FRMD8: variants seen among roughly 807,000 people sequenced by gnomAD.
The protein encoded by FRMD8 is FERM domain containing 8.
A neutral mutation model predicts 54.2 loss-of-function variants in FRMD8; 37 were observed. The observed-to-expected ratio is 0.68, with a 90% CI of 0.53 to 0.90. The LOEUF (loss-of-function observed/expected upper bound fraction) is 0.90, where lower values mean the gene tolerates loss of function less well. Among genes scored for constraint, FRMD8 ranks in the 40% least tolerant of loss-of-function variants. FRMD8 has a pLI of 0.00. For missense variants in FRMD8, 585 were observed against 653.7 expected (o/e 0.89, Z 1.15); for synonymous variants, 246 against 286.9 (o/e 0.86, Z 1.44).
At chr11:65,408,361 A>G (rs921611244) in intron 10 of FRMD8, among the ~76,000 whole-genome samples, 10 of 151,912 alleles carry the variant, frequency 6.6e-5, no homozygotes, top group Non-Finnish European at 1.2e-4. Flanking sequence ...GTCGTGAGCC[A>G]CCGCGCCCAG....
Position 65,396,948 on chromosome 11 carries a change from G to A in FRMD8, c.731G>A (p.Gly244Asp). ...CAGGTGCAGGAGGTCAGCAGCGACG[G>A]CGGGTGCGAGGCCGCCCTGGGCACC... Reference protein sequence around the residue: ...YRQVQEVSSDGGCEAALGTHY... With the variant: ...YRQVQEVSSDDGCEAALGTHY... Residue 244 changes from glycine to aspartate, a missense_variant, in exon 7 of 11, where the codon GGC (glycine) becomes GAC (aspartate). By Grantham distance (94) the Gly-to-Asp change is moderately conservative. Transcript: ENST00000317568. 2 of 1,527,002 alleles carry A rather than the reference G, an allele frequency of 1.3e-6. No homozygotes were observed. The highest frequency in any genetic ancestry group is 1.8e-6 in the Non-Finnish European group (2 of 1,135,010). The allele number at this position is 1,527,002 out of a possible 1,614,324, so 94.6% of individuals were successfully genotyped here.
At chr11:65,394,502 T>C in intron 6 of FRMD8, 77 bp downstream of exon 6, 1 of 1,492,250 alleles carries the variant, frequency 6.7e-7, no homozygotes, top group Non-Finnish European at 9.0e-7. Context: ...CAAGCAGTCT[T>C]CAGTCTCGCA....
At chr11:65,384,007 T>A (rs1855689214), upstream of FRMD8, among the ~76,000 whole-genome samples, 1 of 152,090 alleles carries the variant, frequency 6.6e-6, no homozygotes, top group Non-Finnish European at 1.5e-5. Flanking sequence ...CTAATTGATG[T>A]CTAAGCCTCT....
chr11:65,410,650 C>T (rs186591077), intron 10 of FRMD8, among the ~76,000 whole-genome samples: 1 of 152,204 alleles, frequency 6.6e-6, no homozygotes, highest in East Asian at 1.9e-4. Context: ...ATTAGCTGGG[C>T]GCCGTGGCGG....
chr11:65,373,080 C>T, the FRMD8 span, among the ~76,000 whole-genome samples: 4 of 152,134 alleles, frequency 2.6e-5, no homozygotes, highest in African/African-American at 7.2e-5. Context: ...GGCAAAACCC[C>T]GTCTCTACTA....
At chr11:65,407,283 G>A (rs572524048) in intron 10 of FRMD8, among the ~76,000 whole-genome samples, 203 of 150,768 alleles carry the variant, frequency 1.3e-3, no homozygotes, top group Non-Finnish European at 2.7e-3. Context: ...ACAGAGTCTC[G>A]CTCTGTCACC....
In FRMD8 at chr11:65,400,592, C is replaced by T; in HGVS notation, c.928-132C>T. ...GATGAAAGCTGAGGCTCTCTCCTTA[C>T]AGAAACACATGAACAAATGTAGACT... is the stretch of plus-strand genomic sequence containing the variant. On this transcript the variant is annotated intron_variant, in intron 8 of 10. Coordinates refer to ENST00000317568, the MANE Select transcript of FRMD8 (RefSeq NM_031904.5). This position sits in a 1 kb window ranked among gnomAD's most constrained non-coding sequence, Gnocchi z 4.3. 3 of 928,844 alleles carry T rather than the reference C, an allele frequency of 3.2e-6. No individual in the cohort carries two copies. The highest frequency in any genetic ancestry group is 4.6e-6 in the Non-Finnish European group (3 of 657,298). The allele number at this position is 928,844 out of a possible 1,614,324, so 57.5% of individuals were successfully genotyped here. A position where few individuals can be genotyped will look rare whatever the true frequency, so the allele number is the denominator to read the frequency against.
At chr11:65,396,668 T>C in intron 6 of FRMD8, 131 bp from the exon 7 acceptor site, 1 of 564,230 alleles carries the variant, frequency 1.8e-6, no homozygotes, top group Non-Finnish European at 3.0e-6. Flanking sequence ...CCTTGTGGGC[T>C]CCTTACCCAG....
intron 3 of FRMD8, among the ~76,000 whole-genome samples, chr11:65,392,357 G>C (rs1374287952): frequency 6.6e-6 from 1 of 152,240 alleles, no homozygotes; most frequent in African/African-American, 2.4e-5. Flanking sequence ...TTGGCCATCA[G>C]TGGGGACTGC....
rs967652476 is a variant in FRMD8, at chr11:65,400,693, C to G, written c.928-31C>G. 4 of 1,540,008 alleles carry G rather than the reference C, an allele frequency of 2.6e-6. No individual in the cohort carries two copies. Among genetic ancestry groups the G allele is most frequent in the South Asian group, 1.3e-5 (1 of 79,490 alleles). On this transcript the variant is annotated intron_variant, in intron 8 of 10. Transcript: ENST00000317568. The surrounding 1 kb of genome is among the most constrained non-coding windows in gnomAD (Gnocchi z 4.3). Reference sequence around the variant, plus strand: ...GGGGAGCAGACCTCTGCCCAGGGGTCAAGCCTGGCTCTGTGTCTCCTGCTG... The same window carrying G: ...GGGGAGCAGACCTCTGCCCAGGGGTGAAGCCTGGCTCTGTGTCTCCTGCTG...
the FRMD8 span, among the ~76,000 whole-genome samples, chr11:65,373,651 A>G: frequency 6.6e-6 from 1 of 152,110 alleles, no homozygotes; most frequent in African/African-American, 2.4e-5. Flanking sequence ...CAGTGGCGCA[A>G]TCAAAACTCA....
the FRMD8 span, chr11:65,376,212 G>T: frequency 3.1e-6 from 2 of 645,470 alleles, no homozygotes; most frequent in Non-Finnish European, 5.3e-6. Context: ...AGCTACACAG[G>T]GAGGCTGCAC....
At chr11:65,379,739 C>T in the FRMD8 span, 1 of 1,335,188 alleles carries the variant, frequency 7.5e-7, no homozygotes, top group Non-Finnish European at 1.0e-6. Context: ...CCACCCAGGC[C>T]CCCCAAGGAT....
chr11:65,402,816 C>G lies in FRMD8; in HGVS notation c.1071+1949C>G, dbSNP rs376672030. On this transcript the variant is annotated intron_variant, in intron 9 of 10. Coordinates refer to ENST00000317568, the MANE Select transcript of FRMD8 (RefSeq NM_031904.5). ...CATCTTTTGTTAGATTTATCCATTT[C>G]TTTTTTTTTTTCTTTTGGTGCTACT... 4.8e-5 allele frequency among the ~76,000 whole-genome samples: 7 copies of G among 145,680 alleles called. No individual in the cohort carries two copies. The East Asian group carries it at 8.0e-4, about 17-fold the overall frequency.
At chr11:65,386,088 G>T (rs553068393), upstream of FRMD8, among the ~76,000 whole-genome samples, 4 of 152,140 alleles carry the variant, frequency 2.6e-5, no homozygotes, top group Admixed American at 2.6e-4. Flanking sequence ...GAGCCACCGC[G>T]CCCGGCCGAC....
chr11:65,411,238 G>C lies in FRMD8; in HGVS notation c.1277-4G>C. ...GCTCAGTGTGCCCTCCCATTCCCTC[G>C]CAGGCAAGGGGATCAGGCGAGTGAA... is the stretch of plus-strand genomic sequence containing the variant. On this transcript the variant is annotated splice_polypyrimidine_tract_variant and splice_region_variant and intron_variant, in intron 10 of 10. Transcript: ENST00000317568. 1 of 1,602,972 alleles carries C rather than the reference G, an allele frequency of 6.2e-7. No homozygotes were observed. The highest frequency in any genetic ancestry group is 8.5e-7 in the Non-Finnish European group (1 of 1,174,980).
intron 7 of FRMD8, among the ~76,000 whole-genome samples, chr11:65,397,474 C>T (rs182751350): frequency 5.6e-4 from 85 of 152,328 alleles, no homozygotes; most frequent in Non-Finnish European, 9.4e-4. Flanking sequence ...TGGGCACAGG[C>T]GGCAGCCAGG....
chr11:65,388,580 T>C (rs1290038552), intron 2 of FRMD8, among the ~76,000 whole-genome samples: 2 of 152,168 alleles, frequency 1.3e-5, no homozygotes, highest in African/African-American at 4.8e-5. Context: ...CCAGTGTTCC[T>C]TCACCATGCC....
intron 10 of FRMD8, among the ~76,000 whole-genome samples, chr11:65,407,542 C>A (rs543742930): frequency 6.8e-6 from 1 of 147,384 alleles, no homozygotes; most frequent in Non-Finnish European, 1.5e-5. Context: ...TGAGCCACCG[C>A]ACCCGGCCAG....
Sources: allele counts gnomAD v4.1 joint callset (sites outside exome capture counted in the v4.1 genomes callset), GRCh38; gene constraint gnomAD v4.1.1; non-coding constraint Gnocchi (gnomAD v3.1); transcripts MANE v1.5; gene names NCBI Gene and HGNC (gene_info 2026-07-23, HGNC 2026-07-21).